COL13A1: variants seen among roughly 807,000 people sequenced by gnomAD.
COL13A1 encodes collagen alpha-1(XIII) chain.
COL13A1 carries 89 observed loss-of-function variants against 130.9 expected under a neutral mutation model. That is an observed-to-expected ratio of 0.68 (90% CI 0.57 to 0.81). COL13A1 has a LOEUF of 0.81. COL13A1 is among the 30% of genes least tolerant of loss of function. The probability of loss-of-function intolerance (pLI) is 0.00; values close to 1 mark genes in which losing one functional copy is unlikely to be tolerated. For synonymous variants in COL13A1, 402 were observed against 341.6 expected (o/e 1.18, Z -1.95); for missense variants, 879 against 934.6 (o/e 0.94, Z 0.78).
At chr10:69,837,757 G>T (rs530203439) in intron 2 of COL13A1, among the ~76,000 whole-genome samples, 1 of 152,300 alleles carries the variant, frequency 6.6e-6, no homozygotes, top group East Asian at 1.9e-4. Flanking sequence ...AAGGCAGTGG[G>T]ATCATGTTCC....
At chr10:69,835,578 C>T (rs763546710) in intron 2 of COL13A1, among the ~76,000 whole-genome samples, 3 of 152,200 alleles carry the variant, frequency 2.0e-5, no homozygotes, top group Non-Finnish European at 4.4e-5. Context: ...ACCAGCTCTC[C>T]AGGTTACGAC....
At chr10:69,828,618 T>G (rs1283884878) in intron 2 of COL13A1, among the ~76,000 whole-genome samples, 4 of 152,254 alleles carry the variant, frequency 2.6e-5, no homozygotes, top group African/African-American at 9.6e-5. Context: ...TCTGGTATCT[T>G]TGTTCTCAGT....
At chr10:69,860,418 G>A (rs895118243) in intron 2 of COL13A1, among the ~76,000 whole-genome samples, 2 of 152,164 alleles carry the variant, frequency 1.3e-5, no homozygotes, top group African/African-American at 4.8e-5. Context: ...CCCTCATACC[G>A]CACTGAGCCG....
chr10:69,834,164 T>G (rs1276062253), intron 2 of COL13A1, among the ~76,000 whole-genome samples: 3 of 152,130 alleles, frequency 2.0e-5, no homozygotes, highest in Non-Finnish European at 2.9e-5. Flanking sequence ...AGACATTAGT[T>G]CAATTCTCAC....
At chr10:69,852,966 G>C (rs759172317) in intron 2 of COL13A1, among the ~76,000 whole-genome samples, 1 of 152,172 alleles carries the variant, frequency 6.6e-6, no homozygotes, top group Non-Finnish European at 1.5e-5. Flanking sequence ...ACATCCGCCT[G>C]GCCTCCCCAG....
chr10:69,957,378 G>A (rs532305046), intron 40 of COL13A1, among the ~76,000 whole-genome samples: 1 of 152,300 alleles, frequency 6.6e-6, no homozygotes, highest in Admixed American at 6.5e-5. Context: ...TTCCTCTAAG[G>A]TCGTTTATGC....
intron 9 of COL13A1, among the ~76,000 whole-genome samples, chr10:69,888,740 T>C (rs1179591666): frequency 6.6e-6 from 1 of 151,834 alleles, no homozygotes; most frequent in Admixed American, 6.6e-5. Context: ...GAGGTCAGGG[T>C]CTCCCTCCCC....
At chr10:69,817,824 T>C (rs1380993246) in intron 1 of COL13A1, among the ~76,000 whole-genome samples, 2 of 152,126 alleles carry the variant, frequency 1.3e-5, no homozygotes, top group African/African-American at 4.8e-5. Context: ...CGAGGGTCCC[T>C]GGGGCCGGGG....
At chr10:69,919,292 G>A (rs1250858910) in intron 20 of COL13A1, among the ~76,000 whole-genome samples, 1 of 152,182 alleles carries the variant, frequency 6.6e-6, no homozygotes, top group Non-Finnish European at 1.5e-5. Flanking sequence ...CATGCCAGCT[G>A]CAGCAGGCAG....
intron 2 of COL13A1, among the ~76,000 whole-genome samples, chr10:69,830,247 G>T (rs1381916846): frequency 6.6e-6 from 1 of 152,206 alleles, no homozygotes. Context: ...AGAAATGCTC[G>T]TCTGTGCGTA....
intron 17 of COL13A1, among the ~76,000 whole-genome samples, chr10:69,907,001 T>C (rs1387160656): frequency 5.9e-5 from 9 of 152,338 alleles, no homozygotes. Flanking sequence ...AGTGCTGGGA[T>C]TACAGGCGTG....
chr10:69,948,404 G>A (rs2068876312), intron 38 of COL13A1, among the ~76,000 whole-genome samples: 1 of 152,166 alleles, frequency 6.6e-6, no homozygotes, highest in Admixed American at 6.5e-5. Context: ...TTCACTGGCA[G>A]CTGGTCAAAA....
At chr10:69,816,224 G>A (rs1217975443) in intron 1 of COL13A1, among the ~76,000 whole-genome samples, 3 of 147,198 alleles carry the variant, frequency 2.0e-5, no homozygotes, top group African/African-American at 7.6e-5. Flanking sequence ...GTCAGATCTC[G>A]GATGCGTCTG....
intron 4 of COL13A1, 46 bp downstream of exon 4, chr10:69,872,256 C>A (rs748859567): frequency 1.9e-6 from 3 of 1,610,850 alleles, no homozygotes; most frequent in East Asian, 2.2e-5. Flanking sequence ...CTTTTACGTG[C>A]TTTTCTCAGT....
intron 17 of COL13A1, among the ~76,000 whole-genome samples, chr10:69,906,270 G>A (rs71507033): frequency 3.9e-5 from 6 of 152,144 alleles, no homozygotes; most frequent in Non-Finnish European, 8.8e-5. Context: ...TATCTATTGC[G>A]GTGTAACAAA....
At chr10:69,896,520 G>T (rs531046692) in intron 13 of COL13A1, among the ~76,000 whole-genome samples, 2 of 152,314 alleles carry the variant, frequency 1.3e-5, no homozygotes, top group African/African-American at 4.8e-5. Context: ...TTCCCTGGCT[G>T]CCCACCCCTG....
At chr10:69,812,961 T>C (rs2132312507) in intron 1 of COL13A1, among the ~76,000 whole-genome samples, 1 of 152,320 alleles carries the variant, frequency 6.6e-6, no homozygotes, top group Admixed American at 6.5e-5. Context: ...TCCTTGCCCC[T>C]TTTGGCCACA....
chr10:69,929,054 G>T, intron 28 of COL13A1, 55 bp downstream of exon 28: 2 of 1,386,384 alleles, frequency 1.4e-6, no homozygotes, highest in East Asian at 2.3e-5. Flanking sequence ...TCGACCCCAG[G>T]GCTTCCCCTC....
chr10:69,880,938 C>T (rs935014712), intron 7 of COL13A1, among the ~76,000 whole-genome samples: 3 of 152,226 alleles, frequency 2.0e-5, no homozygotes, highest in African/African-American at 7.2e-5. Context: ...GATACGAGTC[C>T]GGGTTCACTG....
Sources: gnomAD v4.1 joint callset for allele counts (sites outside exome capture counted in the v4.1 genomes callset) on GRCh38, gnomAD v4.1.1 for gene constraint, MANE v1.5 for transcripts, NCBI Gene and HGNC (gene_info 2026-07-23, HGNC 2026-07-21) for gene names.